The following TENM2 variants were observed in gnomAD, a reference collection of about 807,000 sequenced individuals.
TENM2 encodes the protein teneurin transmembrane protein 2, also known as teneurin-2.
A neutral mutation model predicts 245.2 loss-of-function variants in TENM2; 52 were observed. The ratio of observed to expected loss-of-function variants is 0.21; its 90% CI spans 0.17 to 0.27. The LOEUF is 0.27. Among genes scored for constraint, TENM2 ranks in the 10% least tolerant of loss-of-function variants. The pLI is 1.00. For missense variants in TENM2, 3,046 were observed against 3,666.8 expected, an observed-to-expected ratio of 0.83 and a Z score of 4.37; for synonymous variants, 1,363 against 1,438.9, an observed-to-expected ratio of 0.95 and a Z score of 1.19.
chr5:168,189,482 A>G (rs1478887837), intron 13 of TENM2, among the ~76,000 whole-genome samples: 1 of 152,192 alleles, frequency 6.6e-6, no homozygotes, highest in Non-Finnish European at 1.5e-5. Flanking sequence ...AGCCCAGGTA[A>G]AGGGATAGAG....
intron 2 of TENM2, among the ~76,000 whole-genome samples, chr5:167,481,761 G>A (rs1282701296): frequency 1.3e-5 from 2 of 152,152 alleles, no homozygotes; most frequent in African/African-American, 4.8e-5. Context: ...CAAACTGTTA[G>A]CATATACATA....
chr5:167,123,954 G>A, the TENM2 span, among the ~76,000 whole-genome samples: 1 of 152,168 alleles, frequency 6.6e-6, no homozygotes, highest in Non-Finnish European at 1.5e-5. Flanking sequence ...AAATCAATCT[G>A]ATTTGAGCCC....
At chr5:167,835,951 A>G (rs1768948967) in intron 2 of TENM2, among the ~76,000 whole-genome samples, 1 of 152,170 alleles carries the variant, frequency 6.6e-6, no homozygotes, top group South Asian at 2.1e-4. Flanking sequence ...GAGGACTGGA[A>G]AGGACTGTAT....
At chr5:167,847,817 C>T (rs1285989005) in intron 2 of TENM2, among the ~76,000 whole-genome samples, 2 of 152,174 alleles carry the variant, frequency 1.3e-5, no homozygotes, top group Non-Finnish European at 2.9e-5. Context: ...ATCTGTGTCT[C>T]ATGCAGAGAT....
chr5:167,282,636 A>C (rs1771124483), upstream of TENM2, among the ~76,000 whole-genome samples: 1 of 152,230 alleles, frequency 6.6e-6, no homozygotes. Flanking sequence ...CAGCTGATTG[A>C]GAAACTGAGT....
chr5:168,134,747 T>G (rs534832067), intron 12 of TENM2, among the ~76,000 whole-genome samples: 1 of 152,324 alleles, frequency 6.6e-6, no homozygotes, highest in African/African-American at 2.4e-5. Context: ...TTTCACAAAT[T>G]TGCTTCCAAT....
At chr5:168,069,303 G>A (rs1790779942) in intron 7 of TENM2, among the ~76,000 whole-genome samples, 1 of 152,204 alleles carries the variant, frequency 6.6e-6, no homozygotes, top group Non-Finnish European at 1.5e-5. Context: ...GAAGTTCAAT[G>A]TATGCTCAGA....
intron 2 of TENM2, among the ~76,000 whole-genome samples, chr5:167,814,465 AAAAAGAAAAAG>A (rs1157045834): frequency 6.0e-5 from 9 of 150,840 alleles, no homozygotes; most frequent in Admixed American, 4.0e-4. Context: ...AAAAAAAAAA[AAAAAGAAAAAG>A]AAAAGAAAAA....
In TENM2 at chr5:168,184,182, A is replaced by C. The variant is rs756911793; in HGVS notation, c.2570-6155A>C. ...GGTCAGAGAGTACTCTTCAAAGCTC[A>C]TGTTTTTAACCAATCCACTCTATGG... On this transcript the variant is annotated intron_variant, in intron 13 of 28. Transcript: ENST00000518659. Among the ~76,000 whole-genome samples the C allele has an allele frequency of 3.7e-4, 57 of 152,204 alleles. 1 individual carries two copies. The highest frequency in any genetic ancestry group is 6.6e-4 in the Non-Finnish European group (45 of 68,036).
intron 24 of TENM2, 65 bp downstream of exon 26, chr5:168,226,328 C>T: frequency 1.3e-6 from 2 of 1,497,500 alleles, no homozygotes; most frequent in Non-Finnish European, 1.8e-6. Flanking sequence ...CAGCCAAGCC[C>T]AACATGTGAG....
At chr5:166,987,075 G>C in the TENM2 span, among the ~76,000 whole-genome samples, 1 of 152,078 alleles carries the variant, frequency 6.6e-6, no homozygotes, top group Admixed American at 6.5e-5. Context: ...TTTTCACCCA[G>C]CTATTCCCTA....
At chr5:167,861,800 C>T (rs531129048) in intron 2 of TENM2, among the ~76,000 whole-genome samples, 37 of 152,328 alleles carry the variant, frequency 2.4e-4, no homozygotes, top group Middle Eastern at 3.4e-3. Flanking sequence ...AGGGCTCAAG[C>T]GACAGCAGTC....
In TENM2 at chr5:167,405,769, A is replaced by C. The variant is rs4994268; in HGVS notation, c.502+30296A>C. Among the ~76,000 whole-genome samples, 1,175 of 145,226 alleles carry C rather than the reference A, an allele frequency of 8.1e-3. 19 individuals are homozygous for C. The highest frequency in any genetic ancestry group is 0.026 in the African/African-American group (1,042 of 39,470). ...AGTGCAATTCAAACACACACACACA[A>C]ACACACACACACACACACACACACA... On this transcript the variant is annotated intron_variant, in intron 2 of 28. Transcript: ENST00000518659.
chr5:167,382,643 GATAACCTATGCAGAGTT>G (rs1761159208), intron 2 of TENM2, among the ~76,000 whole-genome samples: 1 of 152,126 alleles, frequency 6.6e-6, no homozygotes, highest in Non-Finnish European at 1.5e-5. Context: ...TAGGTTAACA[GATAACCTATGCAGAGTT>G]ATACCATTCT....
At chr5:168,257,066 C>G (rs2152713350) in intron 27 of TENM2, among the ~76,000 whole-genome samples, 1 of 152,216 alleles carries the variant, frequency 6.6e-6, no homozygotes, top group South Asian at 2.1e-4. Context: ...TATTTTGTGC[C>G]AGGCATTGTT....
chr5:167,266,327 A>C, the TENM2 span, among the ~76,000 whole-genome samples: 1 of 152,212 alleles, frequency 6.6e-6, no homozygotes, highest in Non-Finnish European at 1.5e-5. Flanking sequence ...TTTTACCTTG[A>C]TTAAGAGTTG....
At chr5:167,791,222 T>G (rs907431915) in intron 2 of TENM2, among the ~76,000 whole-genome samples, 3 of 151,904 alleles carry the variant, frequency 2.0e-5, no homozygotes, top group Admixed American at 1.3e-4. Flanking sequence ...TTTTGTATAC[T>G]TTTGATTTCT....
chr5:167,172,734 C>T, the TENM2 span, among the ~76,000 whole-genome samples: 1 of 150,956 alleles, frequency 6.6e-6, no homozygotes, highest in Non-Finnish European at 1.5e-5. Flanking sequence ...GCCTGAGTTT[C>T]CAAGTAGCCA....
At chr5:167,273,985 A>G in the TENM2 span, among the ~76,000 whole-genome samples, 5 of 152,136 alleles carry the variant, frequency 3.3e-5, no homozygotes, top group Non-Finnish European at 5.9e-5. Flanking sequence ...CCAATGGGCA[A>G]TGACTAAAGA....
Sources: gnomAD v4.1 joint callset for allele counts (sites outside exome capture counted in the v4.1 genomes callset) on GRCh38, gnomAD v4.1.1 for gene constraint, MANE v1.5 for transcripts, NCBI Gene and HGNC (gene_info 2026-07-23, HGNC 2026-07-21) for gene names.